ELL: variants seen among roughly 807,000 people sequenced by gnomAD.
The protein encoded by ELL is elongation factor for RNA polymerase II, also known as RNA polymerase II elongation factor ELL.
ELL carries 18 observed loss-of-function variants against 64.0 expected under a neutral mutation model. The observed-to-expected ratio is 0.28, with a 90% CI of 0.19 to 0.42. ELL has a LOEUF of 0.42. ELL is among the 10% of genes least tolerant of loss of function. ELL has a pLI of 1.00. For missense variants in ELL, 797 were observed against 870.4 expected, an observed-to-expected ratio of 0.92 and a Z score of 1.06; for synonymous variants, 399 against 376.2, an observed-to-expected ratio of 1.06 and a Z score of -0.70.
At position 18,466,368 on chromosome 19, in the gene ELL, G is replaced by A. The variant is rs944654488; in HGVS notation, c.184-450C>T. The stretch of plus-strand genomic sequence containing the variant: ...TTGGGCAGCCACGCGCAACTCTGGC[G>A]CCCCTCCTTGGCGACCCCCTCTCAG... On this transcript the variant is annotated intron_variant, in intron 2 of 11. Coordinates refer to ENST00000262809, the MANE Select transcript of ELL (RefSeq NM_006532.4). Among the ~76,000 whole-genome samples the A allele has an allele frequency of 2.0e-5, 3 of 152,212 alleles. 1 individual carries two copies. The highest frequency in any genetic ancestry group is 4.1e-4 in the South Asian group (2 of 4,834).
intron 1 of ELL, among the ~76,000 whole-genome samples, chr19:18,481,689 G>A (rs530782165): frequency 3.3e-5 from 5 of 152,310 alleles, no homozygotes; most frequent in African/African-American, 7.2e-5. Context: ...TCAGCATGAC[G>A]CCTTTGAGAT....
chr19:18,477,568 G>C (rs1271251728), intron 1 of ELL, among the ~76,000 whole-genome samples: 1 of 152,170 alleles, frequency 6.6e-6, no homozygotes, highest in African/African-American at 2.4e-5. Flanking sequence ...AAGTGCCGAG[G>C]TGCCGACACT....
intron 6 of ELL, among the ~76,000 whole-genome samples, chr19:18,454,891 G>A (rs528800142): frequency 2.8e-5 from 4 of 145,018 alleles, no homozygotes; most frequent in Admixed American, 7.1e-5. Flanking sequence ...GCTCACACCT[G>A]TAAACCCAGC....
At chr19:18,521,311 A>G (rs1976266946) in intron 1 of ELL, among the ~76,000 whole-genome samples, 1 of 152,110 alleles carries the variant, frequency 6.6e-6, no homozygotes, top group Admixed American at 6.5e-5. Flanking sequence ...TCCCCGTCCC[A>G]AGAACCAAAG....
chr19:18,469,742 C>T (rs929468093), intron 2 of ELL, among the ~76,000 whole-genome samples: 3 of 152,260 alleles, frequency 2.0e-5, no homozygotes, highest in African/African-American at 7.2e-5. Context: ...CTGCCCTTCC[C>T]GCTGACCTGA....
intron 5 of ELL, among the ~76,000 whole-genome samples, chr19:18,460,701 G>C (rs537077658): frequency 1.5e-4 from 23 of 152,350 alleles, no homozygotes; most frequent in African/African-American, 5.3e-4. Flanking sequence ...ATCCCGGCAT[G>C]CCACAGCATG....
At chr19:18,454,840 C>CAAAAAAAAAAAAAAAAAAAAAAAAAAA (rs563546343) in intron 6 of ELL, among the ~76,000 whole-genome samples, 16 of 56,506 alleles carry the variant, frequency 2.8e-4, no homozygotes, top group Admixed American at 4.4e-4. Context: ...GACTCAGTCT[C>CAAAAAAAAAAAAAAAAAAAAAAAAAAA]AAAAAAAAAA....
At chr19:18,453,836 T>G (rs958452431) in intron 6 of ELL, among the ~76,000 whole-genome samples, 3 of 152,216 alleles carry the variant, frequency 2.0e-5, no homozygotes, top group African/African-American at 7.2e-5. Context: ...CCCAAAGTGC[T>G]GACATTATAG....
intron 1 of ELL, among the ~76,000 whole-genome samples, chr19:18,508,586 C>T (rs886943553): frequency 6.6e-6 from 1 of 152,334 alleles, no homozygotes; most frequent in East Asian, 1.9e-4. Flanking sequence ...GCCCAAGGCC[C>T]GAGCCTGGCC....
chr19:18,496,251 T>C (rs770192715), intron 1 of ELL, among the ~76,000 whole-genome samples: 14 of 152,158 alleles, frequency 9.2e-5, no homozygotes, highest in South Asian at 2.1e-4. Flanking sequence ...GTGGGCGTGG[T>C]TGTGAAAAGA....
At chr19:18,458,526 G>A (rs1162544910) in intron 5 of ELL, among the ~76,000 whole-genome samples, 197 bp from the exon 6 acceptor site, 1 of 152,142 alleles carries the variant, frequency 6.6e-6, no homozygotes, top group Non-Finnish European at 1.5e-5. Flanking sequence ...ACAATCCTCA[G>A]GGTGCAGAAG....
intron 1 of ELL, among the ~76,000 whole-genome samples, chr19:18,494,703 T>A (rs573226302): frequency 6.6e-6 from 1 of 152,218 alleles, no homozygotes; most frequent in African/African-American, 2.4e-5. Flanking sequence ...AGAAGTTAAT[T>A]TCTGATTCCC....
intron 1 of ELL, among the ~76,000 whole-genome samples, chr19:18,495,139 C>T (rs116793645): frequency 1.1e-3 from 165 of 152,294 alleles, no homozygotes; most frequent in African/African-American, 3.9e-3. Context: ...GACACAGGGA[C>T]CCCTGGCAGG....
In ELL at chr19:18,451,794, G is replaced by A. The variant is rs544991075; in HGVS notation, c.870-146C>T. ...CCAGAGCAGGGCCAAGGGGTCACAGGAGCCTGGGCCTGAGGCCATCCTGCC... is the reference window on the plus strand; with the variant it reads ...CCAGAGCAGGGCCAAGGGGTCACAGAAGCCTGGGCCTGAGGCCATCCTGCC... On this transcript the variant is annotated intron_variant, in intron 6 of 11. Transcript: ENST00000262809. 871 of 618,464 alleles carry A rather than the reference G, an allele frequency of 1.4e-3. 3 individuals carry two copies. Among genetic ancestry groups the A allele is most frequent in the Non-Finnish European group, 1.7e-3 (658 of 382,418 alleles). The allele number at this position is 618,464 out of a possible 1,614,324, so 38.3% of individuals were successfully genotyped here. A position where few individuals can be genotyped will look rare whatever the true frequency, so the allele number is the denominator to read the frequency against.
chr19:18,522,006 A>G lies in ELL; in HGVS notation c.50T>C (p.Val17Ala). 1.9e-6 allele frequency: 3 copies of G among 1,610,736 alleles called. No homozygotes were observed. The highest frequency in any genetic ancestry group is 2.5e-6 in the Non-Finnish European group (3 of 1,178,602). The change falls in exon 1 of 12, where the codon GTT (valine) becomes GCT (alanine). Residue 17 changes from valine (V) to alanine (A), a missense_variant. Val to Ala is a moderately conservative substitution (Grantham distance 64). Coordinates refer to ENST00000262809, the MANE Select transcript of ELL (RefSeq NM_006532.4). ...CACCGACACCTTGCTGCCGTCGCTA[A>G]CCCGCCCGCACGACAGCCCGTAGCT... ...DRSYGLSCGR[V>A]SDGSKVSVFH...
At chr19:18,445,126 C>A in intron 11 of ELL, 98 bp downstream of exon 11, 1 of 1,532,980 alleles carries the variant, frequency 6.5e-7, no homozygotes, top group Non-Finnish European at 9.0e-7. Context: ...TCCCCCACAC[C>A]TTGGAAGTAG....
At chr19:18,487,799 C>T (rs1230603667) in intron 1 of ELL, among the ~76,000 whole-genome samples, 2 of 152,240 alleles carry the variant, frequency 1.3e-5, no homozygotes, top group Non-Finnish European at 2.9e-5. Context: ...TTCGGAACAA[C>T]GGGATCTTCT....
chr19:18,507,185 A>T (rs1214487894), intron 1 of ELL, among the ~76,000 whole-genome samples: 1 of 152,204 alleles, frequency 6.6e-6, no homozygotes, highest in South Asian at 2.1e-4. Context: ...CCACCAGGAG[A>T]GGAAGGAACA....
intron 1 of ELL, among the ~76,000 whole-genome samples, chr19:18,474,174 T>C (rs888792023): frequency 6.6e-5 from 10 of 152,084 alleles, no homozygotes; most frequent in Admixed American, 6.5e-5. Context: ...TGCCCATCAG[T>C]TGGGAAAGAC....
Sources: gnomAD v4.1 joint callset for allele counts (sites outside exome capture counted in the v4.1 genomes callset) on GRCh38, gnomAD v4.1.1 for gene constraint, MANE v1.5 for transcripts, NCBI Gene and HGNC (gene_info 2026-07-23, HGNC 2026-07-21) for gene names.